The following ZC3H6 variants were observed in gnomAD, a reference collection of about 807,000 sequenced individuals.
ZC3H6 encodes the protein zinc finger CCCH-type containing 6.
A neutral mutation model predicts 107.7 loss-of-function variants in ZC3H6; 40 were observed. The observed-to-expected ratio is 0.37, with a 90% CI of 0.29 to 0.48. ZC3H6 has a LOEUF of 0.48. Among genes scored for constraint, ZC3H6 ranks in the 20% least tolerant of loss-of-function variants. The pLI is 0.98. For synonymous variants in ZC3H6, 493 were observed against 487.9 expected (o/e 1.01, Z -0.14); for missense variants, 1,267 against 1,410.4 (o/e 0.90, Z 1.63).
chr2:112,332,237 C>A lies in ZC3H6; in HGVS notation c.3319C>A (p.Leu1107Ile). The change falls in exon 12 of 12, where the codon CTT becomes ATT. Residue 1107 changes from leucine to isoleucine, a missense_variant. Transcript: ENST00000409871. The part of the protein sequence containing the change: ...QKPSPNVGVT[L>I]EGPADPQADV... Reference sequence around the variant, plus strand: ...ACCCAGTCCAAACGTGGGAGTCACTCTTGAGGGGCCAGCTGACCCACAGGC... The same window carrying A: ...ACCCAGTCCAAACGTGGGAGTCACTATTGAGGGGCCAGCTGACCCACAGGC... The A allele has an allele frequency of 1.2e-6, 2 of 1,613,992 alleles. No homozygotes were observed. Among genetic ancestry groups the A allele is most frequent in the Non-Finnish European group, 1.7e-6 (2 of 1,179,890 alleles).
At chr2:112,293,970 T>G (rs1676171640) in intron 1 of ZC3H6, among the ~76,000 whole-genome samples, 1 of 152,136 alleles carries the variant, frequency 6.6e-6, no homozygotes, top group African/African-American at 2.4e-5. Context: ...CTAAGTAGTT[T>G]TTTAGCCTAC....
At chr2:112,302,376 T>G (rs892013568) in intron 2 of ZC3H6, among the ~76,000 whole-genome samples, 1 of 152,110 alleles carries the variant, frequency 6.6e-6, no homozygotes, top group Non-Finnish European at 1.5e-5. Context: ...GGAAAGCAAT[T>G]TGTCTTTCCT....
At position 112,327,468 on chromosome 2, in the gene ZC3H6, G is replaced by A. The variant is rs933427381; in HGVS notation, c.2086+2271G>A. Reference sequence around the variant, plus strand: ...TGCAGATATTTTCTCCCATTCTGTGGATTGTCTCATCATTTGTTTCCTTCA... The same window carrying A: ...TGCAGATATTTTCTCCCATTCTGTGAATTGTCTCATCATTTGTTTCCTTCA... On this transcript the variant is annotated intron_variant, in intron 11 of 11. Transcript: ENST00000409871. 2.0e-5 allele frequency among the ~76,000 whole-genome samples: 3 copies of A among 152,024 alleles called. No individual in the cohort carries two copies. The East Asian group carries it at 5.8e-4, about 29-fold the overall frequency.
rs749349562 is a variant in ZC3H6, at chr2:112,335,222, T to G, written c.*2734T>G. 4 of 152,356 alleles carry G rather than the reference T, an allele frequency of 2.6e-5. No homozygotes were observed. The highest frequency in any genetic ancestry group is 4.4e-5 in the Non-Finnish European group (3 of 68,032). 9.4% of individuals were successfully genotyped at this position (152,356 alleles called of 1,614,324 possible). Reference sequence around the variant, plus strand: ...ATTGGGTCTGTTTCTATATGGACCCTCTATTTCCCAGCTGAATGTTTCAAA... The same window carrying G: ...ATTGGGTCTGTTTCTATATGGACCCGCTATTTCCCAGCTGAATGTTTCAAA... On this transcript the variant is annotated 3_prime_UTR_variant, in exon 12 of 12. Coordinates refer to ENST00000409871, the MANE Select transcript of ZC3H6 (RefSeq NM_198581.3).
Position 112,275,890 on chromosome 2 carries a change from G to A in ZC3H6, c.-105G>A, listed in dbSNP as rs1385360543. 1 of 933,636 alleles carries A rather than the reference G, an allele frequency of 1.1e-6. No homozygotes were observed. The highest frequency in any genetic ancestry group is 1.6e-6 in the Non-Finnish European group (1 of 641,024). 57.8% of individuals were successfully genotyped at this position (933,636 alleles called of 1,614,324 possible). A position where few individuals can be genotyped will look rare whatever the true frequency, so the allele number is the denominator to read the frequency against. ...TACCACTTCGTCACCTGTCGGCGGC[G>A]GCCGGGAGCAGGTTCCCGCAGGCGG... is the stretch of plus-strand genomic sequence containing the variant. On this transcript the variant is annotated 5_prime_UTR_variant, in exon 1 of 12. Transcript: ENST00000409871.
chr2:112,300,231 TG>T (rs555753902), intron 2 of ZC3H6, among the ~76,000 whole-genome samples: 1,846 of 152,162 alleles, frequency 0.012, 26 homozygotes, highest in Middle Eastern at 0.027. Context: ...TTTTTTTTTT[TG>T]AGATAGGGTC....
rs1289103589 is a variant in ZC3H6 at position 112,322,909 on chromosome 2, G to T, written c.1340+7G>T. The T allele has an allele frequency of 1.9e-6, 3 of 1,565,618 alleles. No homozygotes were observed. The highest frequency in any genetic ancestry group is 4.2e-5 in the Admixed American group (2 of 47,114). The stretch of plus-strand genomic sequence containing the variant: ...CGCATAAAATTGGGAGGAAGTAAGT[G>T]AAAAACTTTCAAAATGACATCAAAT... On this transcript the variant is annotated splice_region_variant and intron_variant, in intron 9 of 11. Coordinates refer to ENST00000409871, the MANE Select transcript of ZC3H6 (RefSeq NM_198581.3).
Position 112,310,038 on chromosome 2 carries a change from G to C in ZC3H6, c.490G>C (p.Glu164Gln). ...DNFGNYGQET[E>Q]EDFANQLKQY... ...CTTTGGTAACTACGGTCAGGAAACA[G>C]AGGAAGATTTTGCCAATCAGCTGAA... The change falls in exon 4 of 12, where the codon GAG becomes CAG. Residue 164 changes from glutamate (E) to glutamine (Q), a missense_variant. Transcript: ENST00000409871. The C allele has an allele frequency of 6.2e-7, 1 of 1,613,574 alleles. No homozygotes were observed. The highest frequency in any genetic ancestry group is 8.5e-7 in the Non-Finnish European group (1 of 1,179,732).
intron 1 of ZC3H6, among the ~76,000 whole-genome samples, chr2:112,277,780 GT>G (rs35110200): frequency 0.51 from 76,562 of 148,892 alleles, 21,570 homozygotes; most frequent in East Asian, 0.77. Flanking sequence ...GAAGGAGATG[GT>G]TTTTTTTTTT....
At chr2:112,325,811 G>A (rs937157360) in intron 11 of ZC3H6, among the ~76,000 whole-genome samples, 4 of 151,794 alleles carry the variant, frequency 2.6e-5, no homozygotes, top group African/African-American at 9.7e-5. Context: ...GCTATAATAA[G>A]AAATATTTTT....
chr2:112,295,958 A>G (rs762244288), intron 1 of ZC3H6, among the ~76,000 whole-genome samples: 5 of 152,162 alleles, frequency 3.3e-5, no homozygotes, highest in Admixed American at 3.3e-4. Flanking sequence ...TTTATGCTTT[A>G]AGGAGCTCAC....
Position 112,331,776 on chromosome 2 carries a change from C to T in ZC3H6, c.2858C>T (p.Ser953Leu), listed in dbSNP as rs1379320955. The T allele has an allele frequency of 6.2e-7, 1 of 1,613,506 alleles. No homozygotes were observed. Among genetic ancestry groups the T allele is most frequent in the Admixed American group, 1.7e-5 (1 of 59,950 alleles). The part of the protein sequence containing the change: ...REGYLEQFGD[S>L]HGSGAKLGDP... ...GGCTACCTAGAACAATTTGGAGACT[C>T]ACACGGTTCAGGAGCTAAATTAGGA... is the stretch of plus-strand genomic sequence containing the variant. Residue 953 changes from serine to leucine, a missense_variant, in exon 12 of 12, where the codon TCA becomes TTA. Transcript: ENST00000409871.
At chr2:112,309,761 C>T in intron 3 of ZC3H6, 124 bp from the exon 4 acceptor site, 1 of 900,930 alleles carries the variant, frequency 1.1e-6, no homozygotes, top group East Asian at 2.7e-5. Flanking sequence ...GATCAAGAGT[C>T]AGAACTAATA....
chr2:112,290,860 T>C (rs1676099714), intron 1 of ZC3H6, among the ~76,000 whole-genome samples: 2 of 152,280 alleles, frequency 1.3e-5, no homozygotes, highest in Non-Finnish European at 2.9e-5. Context: ...AATTGGCATA[T>C]GCTGTAAGCA....
At chr2:112,299,683 G>A (rs1280034553) in intron 1 of ZC3H6, among the ~76,000 whole-genome samples, 166 bp from the exon 2 acceptor site, 1 of 152,178 alleles carries the variant, frequency 6.6e-6, no homozygotes, top group Admixed American at 6.5e-5. Context: ...TATATGGCCT[G>A]CAAATGTAAA....
intron 1 of ZC3H6, among the ~76,000 whole-genome samples, chr2:112,291,249 T>A (rs1007329293): frequency 1.3e-5 from 2 of 152,260 alleles, no homozygotes; most frequent in African/African-American, 4.8e-5. Flanking sequence ...ACTTTTTTTT[T>A]TTGGAACAGA....
intron 7 of ZC3H6, among the ~76,000 whole-genome samples, chr2:112,319,674 C>G (rs1197802749): frequency 1.3e-5 from 2 of 151,878 alleles, no homozygotes; most frequent in African/African-American, 2.4e-5. Flanking sequence ...AACAATAGTC[C>G]TTATGTTGAG....
chr2:112,334,094 A>G lies in ZC3H6; in HGVS notation c.*1606A>G, dbSNP rs541355367. 6.6e-6 allele frequency: 1 copy of G among 152,216 alleles called. No individual in the cohort carries two copies. 9.4% of individuals were successfully genotyped at this position (152,216 alleles called of 1,614,324 possible). On this transcript the variant is annotated 3_prime_UTR_variant, in exon 12 of 12. Coordinates refer to ENST00000409871, the MANE Select transcript of ZC3H6 (RefSeq NM_198581.3). Reference sequence around the variant, plus strand: ...GGGAATGTGAATTTTTACCGTTTGTACTTAAGATACATTTGTTGTCTAAAA... The same window carrying G: ...GGGAATGTGAATTTTTACCGTTTGTGCTTAAGATACATTTGTTGTCTAAAA...
At chr2:112,285,589 C>A (rs1042090566) in intron 1 of ZC3H6, among the ~76,000 whole-genome samples, 1 of 151,984 alleles carries the variant, frequency 6.6e-6, no homozygotes, top group Non-Finnish European at 1.5e-5. Context: ...AACTCCCAAC[C>A]TCAAGGGATC....
Sources: allele counts gnomAD v4.1 joint callset (sites outside exome capture counted in the v4.1 genomes callset), GRCh38; gene constraint gnomAD v4.1.1; transcripts MANE v1.5; gene names NCBI Gene and HGNC (gene_info 2026-07-23, HGNC 2026-07-21).